Variants in GADL1 observed in about 807,000 individuals in gnomAD.
GADL1 encodes acidic amino acid decarboxylase GADL1.
In GADL1, 71 loss-of-function variants were observed where a neutral mutation model predicts 69.5. That is an observed-to-expected ratio of 1.02 (90% confidence interval 0.84 to 1.25). The LOEUF (loss-of-function observed/expected upper bound fraction) is 1.25. GADL1 is among the 50% of genes most tolerant of loss of function. GADL1 has a pLI of 0.00. For synonymous variants in GADL1, 254 were observed against 214.4 expected (o/e 1.18, Z -1.62); for missense variants, 737 against 631.8 (o/e 1.17, Z -1.79).
At chr3:30,867,296 T>C (rs2125539383) in intron 1 of GADL1, among the ~76,000 whole-genome samples, 1 of 151,934 alleles carries the variant, frequency 6.6e-6, no homozygotes, top group South Asian at 2.1e-4. Context: ...GGGTGACCTC[T>C]AAAGTCCTTC....
chr3:30,763,265 G>A (rs1041555706), intron 14 of GADL1, among the ~76,000 whole-genome samples: 1 of 152,068 alleles, frequency 6.6e-6, no homozygotes, highest in Non-Finnish European at 1.5e-5. Context: ...TTGGGAGTCC[G>A]AGGCTGGTGG....
intron 12 of GADL1, among the ~76,000 whole-genome samples, chr3:30,794,692 A>G (rs1172110175): frequency 6.6e-6 from 1 of 152,192 alleles, no homozygotes; most frequent in African/African-American, 2.4e-5. Flanking sequence ...GAGGTCTCCT[A>G]GGCACTAAAT....
intron 11 of GADL1, among the ~76,000 whole-genome samples, chr3:30,825,866 G>A (rs990598733): frequency 3.9e-5 from 6 of 151,946 alleles, no homozygotes; most frequent in Non-Finnish European, 5.9e-5. Flanking sequence ...GTGCAGCAAA[G>A]CACCACAGCA....
intron 11 of GADL1, among the ~76,000 whole-genome samples, chr3:30,811,887 T>A (rs1211323977): frequency 4.6e-5 from 7 of 152,182 alleles, no homozygotes; most frequent in Admixed American, 2.0e-4. Context: ...GGCAGTGTTA[T>A]TGTTTAAAAT....
intron 4 of GADL1, 96 bp from the exon 5 acceptor site, chr3:30,851,037 G>T: frequency 5.8e-6 from 4 of 686,966 alleles, no homozygotes; most frequent in Non-Finnish European, 7.4e-6. Flanking sequence ...AAACCAAGTG[G>T]CTGCTGAAGT....
intron 2 of GADL1, among the ~76,000 whole-genome samples, chr3:30,857,898 G>A (rs573633660): frequency 6.6e-6 from 1 of 152,066 alleles, no homozygotes; most frequent in African/African-American, 2.4e-5. Flanking sequence ...TCTGCACTGT[G>A]TGTGCCCTCT....
chr3:30,759,642 G>GT (rs11330156), intron 14 of GADL1, among the ~76,000 whole-genome samples: 4 of 152,130 alleles, frequency 2.6e-5, no homozygotes, highest in Non-Finnish European at 5.9e-5. Flanking sequence ...GCCTAAACCT[G>GT]TTTTTTAAAA....
chr3:30,728,298 G>C lies in GADL1; in HGVS notation c.1510C>G (p.Arg504Gly), dbSNP rs746250558. 7 of 1,613,666 alleles carry C rather than the reference G, an allele frequency of 4.3e-6. No individual in the cohort carries two copies. The highest frequency in any genetic ancestry group is 5.1e-6 in the Non-Finnish European group (6 of 1,179,818). ...TCCAGGAGGAAGTCCATGTCCTCCC[G>C]GCTCACTTGAGGGCTGATCACCACC... ...RQVVISPQVSREDMDFLLDEI... is the reference protein window; with the variant it reads ...RQVVISPQVSGEDMDFLLDEI... The change falls in exon 15 of 15, where the codon CGG (arginine) becomes GGG (glycine). Residue 504 changes from arginine (R) to glycine (G), a missense_variant. Arg to Gly is a moderately radical substitution (Grantham distance 125). Coordinates refer to ENST00000282538, the MANE Select transcript of GADL1 (RefSeq NM_207359.3).
chr3:30,817,040 T>G (rs981125086), intron 11 of GADL1, among the ~76,000 whole-genome samples: 2 of 152,140 alleles, frequency 1.3e-5, no homozygotes, highest in Admixed American at 1.3e-4. Flanking sequence ...CCCAGTGACC[T>G]AAAATGAACC....
intron 14 of GADL1, among the ~76,000 whole-genome samples, chr3:30,745,524 C>T (rs1025101056): frequency 1.3e-5 from 2 of 152,178 alleles, no homozygotes; most frequent in Non-Finnish European, 2.9e-5. Context: ...TTGCTATCTG[C>T]TATATTAAGA....
chr3:30,802,143 T>A (rs1456832758), intron 11 of GADL1, among the ~76,000 whole-genome samples: 1 of 152,228 alleles, frequency 6.6e-6, no homozygotes, highest in Non-Finnish European at 1.5e-5. Flanking sequence ...CAGCTTCATC[T>A]GCCCATCTCC....
intron 10 of GADL1, 30 bp from the exon 11 acceptor site, chr3:30,833,964 G>T: frequency 3.3e-6 from 5 of 1,495,950 alleles, no homozygotes; most frequent in Non-Finnish European, 3.7e-6. Flanking sequence ...ACAGAGTAGG[G>T]AGAGGACTCA....
At chr3:30,844,553 T>C (rs1698024292) in intron 6 of GADL1, 87 bp from the exon 7 acceptor site, 2 of 875,666 alleles carry the variant, frequency 2.3e-6, no homozygotes, top group Non-Finnish European at 3.9e-6. Context: ...TAGATGAAAG[T>C]ATGGCTGAGC....
At chr3:30,893,282 C>T (rs995613238) in intron 1 of GADL1, among the ~76,000 whole-genome samples, 1 of 152,030 alleles carries the variant, frequency 6.6e-6, no homozygotes, top group Admixed American at 6.6e-5. Flanking sequence ...ATTGAGACAT[C>T]ATAATTGTAC....
intron 14 of GADL1, among the ~76,000 whole-genome samples, chr3:30,758,093 T>G (rs940156228): frequency 6.6e-6 from 1 of 152,184 alleles, no homozygotes; most frequent in Non-Finnish European, 1.5e-5. Flanking sequence ...CTTTCATAGT[T>G]TCCTGCACAG....
chr3:30,769,523 CTT>C (rs1696367748), intron 14 of GADL1, among the ~76,000 whole-genome samples: 2 of 150,090 alleles, frequency 1.3e-5, no homozygotes, highest in Non-Finnish European at 3.0e-5. Flanking sequence ...GTGCCTGCCT[CTT>C]TGTCTCCTCT....
At chr3:30,755,506 C>T (rs1017606018) in intron 14 of GADL1, among the ~76,000 whole-genome samples, 1 of 152,296 alleles carries the variant, frequency 6.6e-6, no homozygotes, top group South Asian at 2.1e-4. Flanking sequence ...GACTTCTCCC[C>T]CTAAGGAATT....
intron 14 of GADL1, among the ~76,000 whole-genome samples, chr3:30,751,809 C>T (rs1044565722): frequency 6.6e-6 from 1 of 152,052 alleles, no homozygotes; most frequent in Non-Finnish European, 1.5e-5. Context: ...AGAGGAAAGT[C>T]CCTTGGAAAG....
At chr3:30,736,544 A>T (rs1695544148) in intron 14 of GADL1, among the ~76,000 whole-genome samples, 1 of 152,188 alleles carries the variant, frequency 6.6e-6, no homozygotes, top group Non-Finnish European at 1.5e-5. Context: ...CTTTTATTAC[A>T]TTATTTCATT....
Sources: gnomAD v4.1 joint callset for allele counts (sites outside exome capture counted in the v4.1 genomes callset) on GRCh38, gnomAD v4.1.1 for gene constraint, MANE v1.5 for transcripts, NCBI Gene and HGNC (gene_info 2026-07-23, HGNC 2026-07-21) for gene names.